ABCA13: variants seen among roughly 807,000 people sequenced by gnomAD.
ABCA13 encodes ATP binding cassette subfamily A member 13.
ABCA13 carries 476 observed loss-of-function variants against 478.7 expected under a neutral mutation model. That is an observed-to-expected ratio of 0.99 (90% CI 0.92 to 1.07). The LOEUF (loss-of-function observed/expected upper bound fraction) is 1.07. ABCA13 is among the 50% of genes least tolerant of loss of function. ABCA13 has a pLI of 0.00. For missense variants in ABCA13, 6,060 were observed against 5,910.6 expected (o/e 1.03, Z -0.83); for synonymous variants, 2,252 against 2,158.9 (o/e 1.04, Z -1.20).
intron 55 of ABCA13, among the ~76,000 whole-genome samples, chr7:48,579,576 A>C (rs960132370): frequency 7.2e-5 from 11 of 152,184 alleles, no homozygotes; most frequent in Admixed American, 7.2e-4. Flanking sequence ...ATCTTATAAA[A>C]CTAAATATAG....
chr7:48,269,673 T>A (rs1795339767), intron 16 of ABCA13, among the ~76,000 whole-genome samples: 1 of 152,192 alleles, frequency 6.6e-6, no homozygotes, highest in Non-Finnish European at 1.5e-5. Flanking sequence ...CGCTCAAACT[T>A]GAGAATGGAT....
chr7:48,401,097 C>A (rs996736240), intron 38 of ABCA13, among the ~76,000 whole-genome samples: 1 of 152,146 alleles, frequency 6.6e-6, no homozygotes, highest in Non-Finnish European at 1.5e-5. Flanking sequence ...AAGCTTTTAA[C>A]AATATATGCT....
intron 58 of ABCA13, among the ~76,000 whole-genome samples, chr7:48,599,008 G>T (rs1386391169): frequency 6.6e-6 from 1 of 151,518 alleles, no homozygotes; most frequent in Non-Finnish European, 1.5e-5. Flanking sequence ...TTTATTTTTG[G>T]ACTCTCAATT....
chr7:48,185,294 A>G (rs957792956), intron 1 of ABCA13, among the ~76,000 whole-genome samples: 4 of 152,208 alleles, frequency 2.6e-5, no homozygotes, highest in Admixed American at 2.0e-4. Context: ...AACTAATAGC[A>G]TGGTGTTTTA....
chr7:48,496,292 A>G (rs1418568510), intron 48 of ABCA13, among the ~76,000 whole-genome samples: 1 of 152,104 alleles, frequency 6.6e-6, no homozygotes, highest in Admixed American at 6.6e-5. Flanking sequence ...TAATACATAT[A>G]TATGACTTAT....
chr7:48,319,752 C>G (rs1178095559), intron 27 of ABCA13, among the ~76,000 whole-genome samples: 1 of 152,112 alleles, frequency 6.6e-6, no homozygotes, highest in Non-Finnish European at 1.5e-5. Context: ...GGATTTTGGT[C>G]CCCCTTTTCC....
chr7:48,613,706 C>A (rs2131556067), intron 58 of ABCA13, among the ~76,000 whole-genome samples: 1 of 150,712 alleles, frequency 6.6e-6, no homozygotes, highest in South Asian at 2.1e-4. Context: ...TGGAGCAAGT[C>A]TTCTTTCATG....
At chr7:48,422,055 CAAAAAAAAAAAA>C (rs4022355) in intron 41 of ABCA13, among the ~76,000 whole-genome samples, 56 of 80,566 alleles carry the variant, frequency 7.0e-4, no homozygotes, top group Admixed American at 2.3e-3. Flanking sequence ...GTCTTTCTTA[CAAAAAAAAAAAA>C]AAAAAAAAAA....
intron 35 of ABCA13, among the ~76,000 whole-genome samples, chr7:48,383,308 AAT>A (rs929881457): frequency 2.6e-5 from 4 of 152,182 alleles, no homozygotes; most frequent in Non-Finnish European, 5.9e-5. Flanking sequence ...GTGCTGCATG[AAT>A]ATGTGCATGT....
intron 3 of ABCA13, among the ~76,000 whole-genome samples, chr7:48,206,896 A>T (rs1264373849): frequency 6.6e-6 from 1 of 152,050 alleles, no homozygotes; most frequent in Non-Finnish European, 1.5e-5. Context: ...GCTACTCAAC[A>T]TTACATCCAA....
chr7:48,461,101 A>G (rs184281816), intron 43 of ABCA13, among the ~76,000 whole-genome samples: 62 of 152,352 alleles, frequency 4.1e-4, no homozygotes, highest in Non-Finnish European at 7.1e-4. Context: ...TGGAAGAAAT[A>G]TAATGAAAGT....
chr7:48,390,479 GT>G (rs1815878419), intron 37 of ABCA13, among the ~76,000 whole-genome samples: 1 of 152,178 alleles, frequency 6.6e-6, no homozygotes, highest in South Asian at 2.1e-4. Flanking sequence ...GTTCATCGAG[GT>G]TTAATTTTTG....
chr7:48,552,184 A>C (rs1331474475), intron 55 of ABCA13, among the ~76,000 whole-genome samples: 1 of 151,812 alleles, frequency 6.6e-6, no homozygotes, highest in African/African-American at 2.4e-5. Flanking sequence ...GGCCTTAAAA[A>C]AAAAGTTACA....
chr7:48,350,398 T>C (rs890469141), intron 29 of ABCA13, among the ~76,000 whole-genome samples: 8 of 152,200 alleles, frequency 5.3e-5, no homozygotes, highest in Non-Finnish European at 1.2e-4. Flanking sequence ...CCTTTGTGCT[T>C]TAACTGTTTT....
intron 27 of ABCA13, among the ~76,000 whole-genome samples, chr7:48,319,052 C>A (rs977213999): frequency 6.6e-6 from 1 of 152,068 alleles, no homozygotes; most frequent in Non-Finnish European, 1.5e-5. Flanking sequence ...GAGGCACAGG[C>A]TGTGGGGGGC....
chr7:48,483,494 T>C lies in ABCA13; in HGVS notation c.13182+331T>C, dbSNP rs536895611. ...CTTTGCTGGCCAAGGAGTACTTCCA[T>C]TCATGAATGTAAATGCCTTATCTTC... is the stretch of plus-strand genomic sequence containing the variant. On this transcript the variant is annotated intron_variant, in intron 47 of 61. Coordinates refer to ENST00000435803, the MANE Select transcript of ABCA13 (RefSeq NM_152701.5). Among the ~76,000 whole-genome samples the C allele has an allele frequency of 1.8e-4, 27 of 152,362 alleles. No individual in the cohort carries two copies. In the East Asian group the frequency reaches 5.2e-3, roughly 29 times the overall value.
At chr7:48,204,199 G>A (rs940150222) in intron 3 of ABCA13, among the ~76,000 whole-genome samples, 23 of 144,326 alleles carry the variant, frequency 1.6e-4, no homozygotes, top group African/African-American at 6.0e-4. Flanking sequence ...CCCAACCTCC[G>A]CCTCCTAGAC....
chr7:48,551,425 A>G (rs1359816596), intron 55 of ABCA13, among the ~76,000 whole-genome samples: 1 of 151,770 alleles, frequency 6.6e-6, no homozygotes, highest in Non-Finnish European at 1.5e-5. Flanking sequence ...ATTCCTTTGA[A>G]TTTTTCAAAA....
intron 57 of ABCA13, 104 bp downstream of exon 57, chr7:48,587,392 A>G: frequency 7.6e-7 from 1 of 1,316,718 alleles, no homozygotes; most frequent in Non-Finnish European, 1.0e-6. Context: ...GAACTTGCAA[A>G]GCTGGTTCTA....
Sources: allele counts gnomAD v4.1 joint callset (sites outside exome capture counted in the v4.1 genomes callset), GRCh38; gene constraint gnomAD v4.1.1; transcripts MANE v1.5; gene names NCBI Gene and HGNC (gene_info 2026-07-23, HGNC 2026-07-21).